Variants in ANK3 observed in about 807,000 individuals in gnomAD.
ANK3 encodes the protein ankyrin-3.
Under a neutral mutation model 370.9 loss-of-function variants are expected in ANK3, and 57 were observed. The observed-to-expected ratio is 0.15, with a 90% confidence interval of 0.12 to 0.19. The LOEUF is 0.19. Ranked by LOEUF, ANK3 falls within the 10% of genes least tolerant of loss-of-function variation. ANK3 has a pLI of 1.00. For synonymous variants in ANK3, 1,929 were observed against 1,946.3 expected (o/e 0.99, Z 0.23); for missense variants, 4,439 against 5,302.1 (o/e 0.84, Z 5.06).
chr10:60,094,260 T>G (rs1175966914), intron 28 of ANK3, among the ~76,000 whole-genome samples: 1 of 148,578 alleles, frequency 6.7e-6, no homozygotes, highest in East Asian at 2.0e-4. Context: ...TAATCTCTGC[T>G]CACTACAATT....
chr10:60,676,943 C>T (rs2079133643), intron 1 of ANK3, among the ~76,000 whole-genome samples: 1 of 152,030 alleles, frequency 6.6e-6, no homozygotes, highest in Non-Finnish European at 1.5e-5. Flanking sequence ...TGATGAATAC[C>T]CTAAACAGCC....
At chr10:60,694,119 C>T (rs1365491154) in intron 1 of ANK3, among the ~76,000 whole-genome samples, 37 of 151,870 alleles carry the variant, frequency 2.4e-4, no homozygotes, top group African/African-American at 7.0e-4. Context: ...CCTCAGGAGC[C>T]GATGCGATCA....
chr10:60,497,798 T>C (rs1308026377), intron 2 of ANK3, among the ~76,000 whole-genome samples: 2 of 152,186 alleles, frequency 1.3e-5, no homozygotes, highest in African/African-American at 2.4e-5. Context: ...TGAAAAGTAC[T>C]GTCCTAGATG....
intron 5 of ANK3, among the ~76,000 whole-genome samples, chr10:60,269,561 C>T (rs1051390264): frequency 3.3e-5 from 5 of 151,924 alleles, no homozygotes; most frequent in African/African-American, 1.2e-4. Context: ...AGGATAATTG[C>T]TTGAACCCGG....
intron 4 of ANK3, among the ~76,000 whole-genome samples, chr10:60,273,734 T>G (rs191079363): frequency 6.6e-6 from 1 of 151,876 alleles, no homozygotes. Flanking sequence ...AATTGAATCA[T>G]GGGGGGGGTT....
At chr10:60,044,276 T>C (rs1239271468) in intron 42 of ANK3, 5 of 983,820 alleles carry the variant, frequency 5.1e-6, no homozygotes, top group Admixed American at 6.2e-5. Context: ...TTTCTGGTGA[T>C]GAGGTTGCCT....
At chr10:60,391,699 C>T (rs2063110180), upstream of ANK3, among the ~76,000 whole-genome samples, 1 of 152,204 alleles carries the variant, frequency 6.6e-6, no homozygotes, top group South Asian at 2.1e-4. Flanking sequence ...AGTAACTTCT[C>T]CGTCTGAGGC....
At chr10:60,558,924 T>A (rs1178933308) in intron 2 of ANK3, among the ~76,000 whole-genome samples, 1 of 152,170 alleles carries the variant, frequency 6.6e-6, no homozygotes, top group African/African-American at 2.4e-5. Flanking sequence ...CAAATTATTC[T>A]GATTTGTAAA....
rs773617270 is a variant in ANK3, at chr10:60,469,525, GTA to G, written c.96+145659_96+145660del. Among the ~76,000 whole-genome samples the G allele has an allele frequency of 2.8e-4, 4 of 14,206 alleles. 2 individuals carry two copies. The highest frequency in any genetic ancestry group is 1.0e-3 in the African/African-American group (4 of 4,002). 9.3% of individuals were successfully genotyped at this position (14,206 alleles called of 152,430 possible). Reference sequence around the variant, plus strand: ...TATGGTGGTATATATATATATGGTGGTATATATATATATATGGTGGTGTATAT... The same window carrying G: ...TATGGTGGTATATATATATATGGTGGTATATATATATATGGTGGTGTATAT... On this transcript the variant is annotated intron_variant, in intron 2 of 43. Coordinates refer to the ANK3 transcript ENST00000373827.
chr10:60,650,546 G>A (rs999181492), intron 1 of ANK3, among the ~76,000 whole-genome samples: 1 of 152,154 alleles, frequency 6.6e-6, no homozygotes, highest in Non-Finnish European at 1.5e-5. Flanking sequence ...ACATTGGCAT[G>A]CATAGTTCTA....
chr10:60,303,102 C>T (rs1566413811), intron 1 of ANK3, among the ~76,000 whole-genome samples: 1 of 152,044 alleles, frequency 6.6e-6, no homozygotes, highest in Non-Finnish European at 1.5e-5. Context: ...AACCATGAAA[C>T]TATAGAAGAA....
rs137879226 is a variant in ANK3 at position 60,076,687 on chromosome 10, G to A, written c.4433-239C>T. 2.3e-3 allele frequency among the ~76,000 whole-genome samples: 353 copies of A among 152,086 alleles called. 1 individual carries two copies. The highest frequency in any genetic ancestry group is 8.1e-3 in the African/African-American group (336 of 41,520). ...ACAACTAAATAAAAAACAGAGTAAT[G>A]TGAAATGAAAGAAAAAGCACATTGC... On this transcript the variant is annotated intron_variant, in intron 36 of 43. Coordinates refer to ENST00000280772, the MANE Select transcript of ANK3 (RefSeq NM_020987.5).
chr10:60,036,407 G>C (rs1012981973), intron 43 of ANK3, among the ~76,000 whole-genome samples: 1 of 143,136 alleles, frequency 7.0e-6, no homozygotes, highest in Non-Finnish European at 1.5e-5. Context: ...CTGCGGAAGA[G>C]AGAGGTCAGA....
In ANK3 at chr10:60,072,898, C is replaced by T. The variant is rs201362986; in HGVS notation, c.7983G>A (p.Lys2661=). ...QHGPDGQGFP[K]AEEKAPSLPS... ...GCAGACTGGGTGCCTTCTCCTCGGCCTTGGGGAAGCCTTGTCCATCAGGGC... is the reference window on the plus strand; with the variant it reads ...GCAGACTGGGTGCCTTCTCCTCGGCTTTGGGGAAGCCTTGTCCATCAGGGC... Residue 2661 remains lysine, a synonymous_variant, in exon 37 of 44, where the codon AAG becomes AAA. Coordinates refer to ENST00000280772, the MANE Select transcript of ANK3 (RefSeq NM_020987.5). The T allele has an allele frequency of 3.7e-6, 6 of 1,614,080 alleles. No homozygotes were observed. The South Asian group carries it at 5.5e-5, about 15-fold the overall frequency.
Position 60,153,596 on chromosome 10 carries a change from C to G in ANK3, c.2614+12995G>C, listed in dbSNP as rs529660508. On this transcript the variant is annotated intron_variant, in intron 23 of 43. Coordinates refer to ENST00000280772, the MANE Select transcript of ANK3 (RefSeq NM_020987.5). ...GGTATCTTAAGGTGACTTAAGATAT[C>G]AGAACCTAAATGAAAATGTACATAG... 2.3e-4 allele frequency among the ~76,000 whole-genome samples: 35 copies of G among 152,174 alleles called. 1 individual carries two copies. Among genetic ancestry groups the G allele is most frequent in the African/African-American group, 7.5e-4 (31 of 41,516 alleles).
At chr10:60,733,116 C>T (rs1434783274) in intron 1 of ANK3, 17 of 595,674 alleles carry the variant, frequency 2.9e-5, no homozygotes, top group Non-Finnish European at 4.2e-5. Flanking sequence ...CCCCTCCACT[C>T]GCCCTCCCGG....
chr10:60,234,004 C>A (rs901969002), intron 8 of ANK3, among the ~76,000 whole-genome samples: 2 of 152,144 alleles, frequency 1.3e-5, no homozygotes, highest in African/African-American at 4.8e-5. Context: ...CAGTATTTGT[C>A]CTTTTGTGAC....
chr10:60,487,977 G>A (rs1185100709), intron 2 of ANK3, among the ~76,000 whole-genome samples: 2 of 152,108 alleles, frequency 1.3e-5, no homozygotes, highest in Non-Finnish European at 2.9e-5. Context: ...GTCTCCCAAA[G>A]TATGGATTAT....
intron 42 of ANK3, chr10:60,051,394 C>T (rs1346030932): frequency 3.1e-6 from 2 of 643,306 alleles, no homozygotes; most frequent in African/African-American, 4.0e-5. Context: ...TTCACAACCA[C>T]AAGGAAGGAG....
Sources: allele counts gnomAD v4.1 joint callset (sites outside exome capture counted in the v4.1 genomes callset), GRCh38; gene constraint gnomAD v4.1.1; transcripts MANE v1.5; gene names NCBI Gene and HGNC (gene_info 2026-07-23, HGNC 2026-07-21).